Variants in TACR1 observed in about 807,000 individuals in gnomAD.
TACR1 encodes tachykinin receptor 1.
Under a neutral mutation model 35.8 loss-of-function variants are expected in TACR1, and 25 were observed. The observed-to-expected ratio is 0.70, with a 90% CI of 0.51 to 0.98. TACR1 has a LOEUF of 0.98. TACR1 is among the 50% of genes least tolerant of loss of function. The pLI, the probability that TACR1 is intolerant of heterozygous loss-of-function variation, is 0.00. For synonymous variants in TACR1, 195 were observed against 206.7 expected (o/e 0.94, Z 0.48); for missense variants, 478 against 522.9 (o/e 0.91, Z 0.84).
chr2:75,086,373 A>G (rs1411168136), intron 2 of TACR1, among the ~76,000 whole-genome samples: 2 of 152,224 alleles, frequency 1.3e-5, no homozygotes, highest in African/African-American at 2.4e-5. Flanking sequence ...TAAATTACTT[A>G]TCACTGAGAT....
intron 2 of TACR1, among the ~76,000 whole-genome samples, chr2:75,060,595 G>A (rs1231034613): frequency 6.6e-6 from 1 of 152,174 alleles, no homozygotes; most frequent in Non-Finnish European, 1.5e-5. Context: ...GAAGACAGAA[G>A]CAAATCACAA....
intron 1 of TACR1, among the ~76,000 whole-genome samples, chr2:75,129,112 T>C (rs570709990): frequency 1.3e-5 from 2 of 152,202 alleles, no homozygotes; most frequent in Admixed American, 6.5e-5. Context: ...GTAGTTTGGA[T>C]TGTAATGTCT....
intron 2 of TACR1, among the ~76,000 whole-genome samples, chr2:75,094,616 A>G (rs1673375565): frequency 6.6e-6 from 1 of 151,704 alleles, no homozygotes; most frequent in Non-Finnish European, 1.5e-5. Flanking sequence ...TGATGGTGGT[A>G]GTGGTGGAGA....
intron 1 of TACR1, among the ~76,000 whole-genome samples, chr2:75,196,189 C>T (rs1433200227): frequency 6.6e-6 from 1 of 152,174 alleles, no homozygotes; most frequent in Non-Finnish European, 1.5e-5. Flanking sequence ...TCTGCATTTC[C>T]ATGCTGGAGA....
At chr2:75,099,635 C>T (rs755717409) in intron 2 of TACR1, among the ~76,000 whole-genome samples, 3 of 152,172 alleles carry the variant, frequency 2.0e-5, no homozygotes, top group Admixed American at 6.5e-5. Context: ...GAGAGGTTTG[C>T]GCGGCCAGGT....
intron 2 of TACR1, among the ~76,000 whole-genome samples, chr2:75,079,324 A>G (rs932589810): frequency 9.9e-5 from 15 of 152,052 alleles, no homozygotes; most frequent in African/African-American, 3.6e-4. Context: ...TTTCCTGAGC[A>G]TGTCTCTCTG....
intron 1 of TACR1, among the ~76,000 whole-genome samples, chr2:75,131,348 A>G (rs1381463813): frequency 2.0e-5 from 3 of 152,136 alleles, no homozygotes; most frequent in Non-Finnish European, 2.9e-5. Flanking sequence ...TTGGCCTCCC[A>G]AAGTGCTGGG....
intron 1 of TACR1, among the ~76,000 whole-genome samples, chr2:75,152,749 C>G (rs1298981082): frequency 6.6e-6 from 1 of 152,198 alleles, no homozygotes; most frequent in Non-Finnish European, 1.5e-5. Context: ...TCACAGCTCT[C>G]TTAGTCACCC....
intron 2 of TACR1, among the ~76,000 whole-genome samples, chr2:75,106,050 G>T (rs773512028): frequency 6.6e-4 from 100 of 151,994 alleles, no homozygotes; most frequent in Non-Finnish European, 1.8e-4. Context: ...TATTCATTGT[G>T]ATAAATGTAC....
intron 2 of TACR1, among the ~76,000 whole-genome samples, chr2:75,074,314 C>T (rs1672935893): frequency 6.6e-6 from 1 of 152,114 alleles, no homozygotes; most frequent in South Asian, 2.1e-4. Flanking sequence ...GGATTCCTGT[C>T]ACTTTAATTC....
At chr2:75,100,017 T>G (rs1416564560) in intron 2 of TACR1, among the ~76,000 whole-genome samples, 1 of 152,186 alleles carries the variant, frequency 6.6e-6, no homozygotes, top group Non-Finnish European at 1.5e-5. Flanking sequence ...CCTACAATAC[T>G]CTTTATGATT....
At position 75,049,309 on chromosome 2, in the gene TACR1, T is replaced by C; in HGVS notation, c.*123A>G. ...ATGGAATGTTTTCCCTAACCCATAC[T>C]GACCCTTTTTGCAAGTCCCAGTGTG... On this transcript the variant is annotated 3_prime_UTR_variant, in exon 5 of 5. Coordinates refer to ENST00000305249, the MANE Select transcript of TACR1 (RefSeq NM_001058.4). The C allele has an allele frequency of 9.0e-7, 1 of 1,109,498 alleles. No individual in the cohort carries two copies. The highest frequency in any genetic ancestry group is 1.3e-6 in the Non-Finnish European group (1 of 781,710). The allele number at this position is 1,109,498 out of a possible 1,614,324, so 68.7% of individuals were successfully genotyped here.
intron 1 of TACR1, among the ~76,000 whole-genome samples, chr2:75,193,751 T>G (rs1675904109): frequency 6.6e-6 from 1 of 152,222 alleles, no homozygotes; most frequent in Admixed American, 6.5e-5. Flanking sequence ...TCATCACTGC[T>G]GGGCAGGATG....
intron 1 of TACR1, among the ~76,000 whole-genome samples, chr2:75,154,082 C>G (rs756782205): frequency 6.6e-6 from 1 of 152,046 alleles, no homozygotes; most frequent in African/African-American, 2.4e-5. Context: ...GCTTGCTGTG[C>G]ACAACTAAAG....
chr2:75,070,481 C>T (rs1672856989), intron 2 of TACR1, among the ~76,000 whole-genome samples: 1 of 152,134 alleles, frequency 6.6e-6, no homozygotes, highest in Non-Finnish European at 1.5e-5. Context: ...ATGTATCCTT[C>T]AGAGTGAGTA....
chr2:75,178,187 CT>C (rs529344741), intron 1 of TACR1, among the ~76,000 whole-genome samples: 341 of 145,336 alleles, frequency 2.3e-3, no homozygotes, highest in South Asian at 4.1e-3. Flanking sequence ...CAATTTCTCT[CT>C]TTTTTTTTTT....
chr2:75,154,963 T>C lies in TACR1; in HGVS notation c.390-34195A>G, dbSNP rs553347029. Among the ~76,000 whole-genome samples the C allele has an allele frequency of 2.8e-4, 42 of 152,342 alleles. No homozygotes were observed. In the East Asian group the frequency reaches 7.9e-3, roughly 29 times the overall value. On this transcript the variant is annotated intron_variant, in intron 1 of 4. Transcript: ENST00000305249. ...CTTTCTCCTCCAGATGAGTCTGTGC[T>C]CTGCCTCTCTCCTTTGCGTCTCCAA...
At chr2:75,081,505 T>C (rs1673085479) in intron 2 of TACR1, among the ~76,000 whole-genome samples, 1 of 152,178 alleles carries the variant, frequency 6.6e-6, no homozygotes, top group Non-Finnish European at 1.5e-5. Context: ...CATCCTGCTC[T>C]TTTTGCCTTA....
rs1672414842 is a variant in TACR1, at chr2:75,049,011, G to C, written c.*421C>G. On this transcript the variant is annotated 3_prime_UTR_variant, in exon 5 of 5. Transcript: ENST00000305249. Reference sequence around the variant, plus strand: ...TAGGCTGGGGTGATAGGAGCCTCCAGCTGCAGGAGGCTAATCTGAGATAAC... The same window carrying C: ...TAGGCTGGGGTGATAGGAGCCTCCACCTGCAGGAGGCTAATCTGAGATAAC... 1 of 165,408 alleles carries C rather than the reference G, an allele frequency of 6.0e-6. No individual in the cohort carries two copies. The highest frequency in any genetic ancestry group is 1.3e-5 in the Non-Finnish European group (1 of 76,832). 10.2% of individuals were successfully genotyped at this position (165,408 alleles called of 1,614,324 possible).
Sources: allele counts gnomAD v4.1 joint callset (sites outside exome capture counted in the v4.1 genomes callset), GRCh38; gene constraint gnomAD v4.1.1; transcripts MANE v1.5; gene names NCBI Gene and HGNC (gene_info 2026-07-23, HGNC 2026-07-21).